PHLPP1: variants seen among roughly 807,000 people sequenced by gnomAD.
PHLPP1 encodes PH domain leucine-rich repeat-containing protein phosphatase 1.
In PHLPP1, 42 loss-of-function variants were observed where a neutral mutation model predicts 117.2. That is an observed-to-expected ratio of 0.36 (90% confidence interval 0.28 to 0.46). PHLPP1 has a LOEUF of 0.46. Ranked by LOEUF, PHLPP1 falls within the 20% of genes least tolerant of loss-of-function variation. PHLPP1 has a pLI of 1.00. For synonymous variants in PHLPP1, 1,042 were observed against 970.7 expected (o/e 1.07, Z -1.37); for missense variants, 2,084 against 2,241.9 (o/e 0.93, Z 1.42).
At chr18:62,791,629 A>C (rs1398791702) in intron 1 of PHLPP1, among the ~76,000 whole-genome samples, 1 of 152,136 alleles carries the variant, frequency 6.6e-6, no homozygotes, top group African/African-American at 2.4e-5. Context: ...TTAAACAAGT[A>C]CTCTAAATTT....
chr18:62,870,362 A>G (rs1055224003), intron 4 of PHLPP1, among the ~76,000 whole-genome samples: 3 of 152,230 alleles, frequency 2.0e-5, no homozygotes, highest in Admixed American at 6.5e-5. Context: ...AATTAAATGT[A>G]TAATGTGTAT....
intron 1 of PHLPP1, among the ~76,000 whole-genome samples, chr18:62,766,017 C>T (rs1223404903): frequency 5.3e-5 from 7 of 131,054 alleles, no homozygotes; most frequent in East Asian, 2.3e-4. Flanking sequence ...GCCGAGATCG[C>T]GCCACTGCGC....
Position 62,978,097 on chromosome 18 carries a change from C to G in PHLPP1, c.3985-165C>G, listed in dbSNP as rs543248144. Among the ~76,000 whole-genome samples, 5 of 152,236 alleles carry G rather than the reference C, an allele frequency of 3.3e-5. No homozygotes were observed. The South Asian group carries it at 1.0e-3, about 32-fold the overall frequency. Reference sequence around the variant, plus strand: ...TACCTGGGGTTTCTGATGACAGGTGCACATTAACTACTCACTACAGAGTGA... The same window carrying G: ...TACCTGGGGTTTCTGATGACAGGTGGACATTAACTACTCACTACAGAGTGA... On this transcript the variant is annotated intron_variant, in intron 16 of 16. Coordinates refer to ENST00000262719, the MANE Select transcript of PHLPP1 (RefSeq NM_194449.4). The surrounding 1 kb of genome is among the most constrained non-coding windows in gnomAD (Gnocchi z 7.0).
intron 1 of PHLPP1, among the ~76,000 whole-genome samples, chr18:62,749,921 C>A (rs960805748): frequency 6.6e-5 from 10 of 152,134 alleles, no homozygotes; most frequent in Non-Finnish European, 1.2e-4. Context: ...GAGGCTGAGA[C>A]GGGAGAATCT....
intron 4 of PHLPP1, among the ~76,000 whole-genome samples, chr18:62,871,931 C>CTAT (rs1466338530): frequency 6.6e-6 from 1 of 152,166 alleles, no homozygotes; most frequent in East Asian, 1.9e-4. Flanking sequence ...AGGCATGAGC[C>CTAT]ACTGCACCTG....
chr18:62,771,500 G>A (rs980086759), intron 1 of PHLPP1, among the ~76,000 whole-genome samples: 2 of 152,120 alleles, frequency 1.3e-5, no homozygotes, highest in Non-Finnish European at 2.9e-5. Context: ...ATGAACAATG[G>A]CAGGTTTTTA....
chr18:62,874,318 A>G (rs562000232), intron 4 of PHLPP1, among the ~76,000 whole-genome samples: 1 of 152,104 alleles, frequency 6.6e-6, no homozygotes, highest in South Asian at 2.1e-4. Flanking sequence ...GACCAGCCTG[A>G]CCAACATGTT....
chr18:62,721,576 C>T (rs781324633), intron 1 of PHLPP1, among the ~76,000 whole-genome samples: 3 of 151,966 alleles, frequency 2.0e-5, no homozygotes, highest in Non-Finnish European at 2.9e-5. Context: ...TTTAATGATG[C>T]TTTCTTGATG....
intron 1 of PHLPP1, among the ~76,000 whole-genome samples, chr18:62,736,803 T>C (rs1436514741): frequency 6.6e-6 from 1 of 152,208 alleles, no homozygotes; most frequent in Non-Finnish European, 1.5e-5. Context: ...TTTGTCACTT[T>C]CTACTGGTTA....
chr18:62,754,417 C>T lies in PHLPP1; in HGVS notation c.1576+37158C>T, dbSNP rs187326788. 4.5e-4 allele frequency among the ~76,000 whole-genome samples: 69 copies of T among 152,306 alleles called. No individual in the cohort carries two copies. The East Asian group carries it at 0.011, about 24-fold the overall frequency. The stretch of plus-strand genomic sequence containing the variant: ...GCTGCAGTCTTCATACTTTTTTTCC[C>T]CTCCCAAACTGTTTCTCTGCCAGTT... On this transcript the variant is annotated intron_variant, in intron 1 of 16. Coordinates refer to ENST00000262719, the MANE Select transcript of PHLPP1 (RefSeq NM_194449.4).
intron 6 of PHLPP1, among the ~76,000 whole-genome samples, chr18:62,900,416 G>GT (rs1421879770): frequency 1.0e-5 from 1 of 96,046 alleles, no homozygotes; most frequent in Non-Finnish European, 2.2e-5. Flanking sequence ...TTGTATTCTT[G>GT]TTTTTTCTTT....
chr18:62,945,673 A>C (rs555827253), intron 12 of PHLPP1, among the ~76,000 whole-genome samples: 2 of 152,330 alleles, frequency 1.3e-5, no homozygotes, highest in African/African-American at 4.8e-5. Flanking sequence ...GCTCCCTACC[A>C]ACTCACCCAG....
intron 11 of PHLPP1, among the ~76,000 whole-genome samples, chr18:62,943,801 G>A (rs531373786): frequency 2.0e-5 from 3 of 152,122 alleles, no homozygotes; most frequent in Admixed American, 6.5e-5. Flanking sequence ...AATCCAAACC[G>A]TATCACTATA....
At chr18:62,939,493 A>C (rs1428259157) in intron 10 of PHLPP1, among the ~76,000 whole-genome samples, 1 of 152,212 alleles carries the variant, frequency 6.6e-6, no homozygotes, top group Non-Finnish European at 1.5e-5. Context: ...GCGATGGTAA[A>C]CAACTATGTT....
At chr18:62,950,733 G>A (rs899363947) in intron 12 of PHLPP1, among the ~76,000 whole-genome samples, 2 of 152,188 alleles carry the variant, frequency 1.3e-5, no homozygotes, top group African/African-American at 4.8e-5. Context: ...TCATTATTAT[G>A]GTGCTGGAAT....
At chr18:62,954,588 A>G (rs1264709400) in intron 12 of PHLPP1, among the ~76,000 whole-genome samples, 1 of 152,146 alleles carries the variant, frequency 6.6e-6, no homozygotes, top group East Asian at 1.9e-4. Flanking sequence ...AGCACCAGAT[A>G]CCAACATCCT....
At chr18:62,807,024 T>C (rs1270338506) in intron 1 of PHLPP1, among the ~76,000 whole-genome samples, 2 of 152,164 alleles carry the variant, frequency 1.3e-5, no homozygotes, top group African/African-American at 2.4e-5. Context: ...GTTGCCCTTA[T>C]TGTCTTTCAT....
At chr18:62,751,283 T>A (rs1332002700) in intron 1 of PHLPP1, among the ~76,000 whole-genome samples, 1 of 152,200 alleles carries the variant, frequency 6.6e-6, no homozygotes, top group African/African-American at 2.4e-5. Flanking sequence ...AAGGGGGTAG[T>A]CTTTCCCTGT....
At chr18:62,829,969 C>A in intron 1 of PHLPP1, 66 bp from the exon 2 acceptor site, 3 of 1,107,492 alleles carry the variant, frequency 2.7e-6, no homozygotes, top group Admixed American at 2.5e-5. Context: ...CATATATCTG[C>A]TATGTAGATG....
Sources: allele counts gnomAD v4.1 joint callset (sites outside exome capture counted in the v4.1 genomes callset), GRCh38; gene constraint gnomAD v4.1.1; non-coding constraint Gnocchi (gnomAD v3.1); transcripts MANE v1.5; gene names NCBI Gene and HGNC (gene_info 2026-07-23, HGNC 2026-07-21).